Variants in CDH6 observed in about 807,000 individuals in gnomAD.
The protein encoded by CDH6 is cadherin-6.
A neutral mutation model predicts 78.0 loss-of-function variants in CDH6; 31 were observed. That is an observed-to-expected ratio of 0.40 (90% confidence interval 0.30 to 0.54). The LOEUF is 0.54. Among genes scored for constraint, CDH6 ranks in the 20% least tolerant of loss-of-function variants. The probability of loss-of-function intolerance (pLI) is 0.56; values close to 1 mark genes in which losing one functional copy is unlikely to be tolerated. For synonymous variants in CDH6, 376 were observed against 368.8 expected (o/e 1.02, Z -0.23); for missense variants, 724 against 975.9 (o/e 0.74, Z 3.44).
intron 6 of CDH6, among the ~76,000 whole-genome samples, chr5:31,302,973 AAAG>A (rs1226116344): frequency 4.7e-5 from 7 of 148,150 alleles, no homozygotes; most frequent in African/African-American, 1.5e-4. Flanking sequence ...GAAAAGAAAG[AAAG>A]AAAGAAAGAA....
intron 8 of CDH6, among the ~76,000 whole-genome samples, chr5:31,314,456 C>T (rs909848148): frequency 6.6e-5 from 10 of 151,218 alleles, no homozygotes; most frequent in African/African-American, 2.2e-4. Context: ...TAGTCCATAT[C>T]GAATAGTTTA....
chr5:31,304,773 C>T (rs979887590), intron 6 of CDH6, among the ~76,000 whole-genome samples: 2 of 151,902 alleles, frequency 1.3e-5, no homozygotes, highest in African/African-American at 2.4e-5. Flanking sequence ...CTGATGGCCC[C>T]CTCTAGTGAA....
At chr5:31,289,396 T>C (rs933910921) in intron 2 of CDH6, among the ~76,000 whole-genome samples, 2 of 152,202 alleles carry the variant, frequency 1.3e-5, no homozygotes, top group African/African-American at 4.8e-5. Context: ...GTTGGTTCCA[T>C]GCCTTTGCTG....
chr5:31,251,877 T>C (rs1364734353), intron 1 of CDH6: 2 of 152,250 alleles, frequency 1.3e-5, no homozygotes, highest in African/African-American at 4.8e-5. Context: ...AGATTATTTT[T>C]ATGTTCATAT....
At chr5:31,206,660 T>C (rs1740531053) in intron 1 of CDH6, among the ~76,000 whole-genome samples, 1 of 152,196 alleles carries the variant, frequency 6.6e-6, no homozygotes, top group African/African-American at 2.4e-5. Context: ...CGACTAGCAA[T>C]TTACGGAAAA....
At chr5:31,322,705 C>A (rs752311036) in intron 11 of CDH6, 113 bp from the exon 12 acceptor site, 7 of 1,264,240 alleles carry the variant, frequency 5.5e-6, no homozygotes, top group Non-Finnish European at 7.7e-6. Flanking sequence ...GTTGAGTCTG[C>A]ATTTTCTAGA....
chr5:31,318,037 GA>G lies in CDH6; in HGVS notation c.1882+114del, dbSNP rs758456162. 6.2e-5 allele frequency: 78 copies of G among 1,267,482 alleles called. No individual in the cohort carries two copies. In the South Asian group the frequency reaches 8.8e-4, roughly 14 times the overall value. 78.5% of individuals were successfully genotyped at this position (1,267,482 alleles called of 1,614,324 possible). A position where few individuals can be genotyped will look rare whatever the true frequency, so the allele number is the denominator to read the frequency against. On this transcript the variant is annotated intron_variant, in intron 11 of 11. Coordinates refer to ENST00000265071, the MANE Select transcript of CDH6 (RefSeq NM_004932.4). The stretch of plus-strand genomic sequence containing the variant: ...TTAAGGCATACAGCCTGATCTAGGT[GA>G]GTCGAGTTACATACTGAGAATCTGT...
chr5:31,271,479 C>T (rs1156994509), intron 2 of CDH6, among the ~76,000 whole-genome samples: 1 of 152,090 alleles, frequency 6.6e-6, no homozygotes, highest in Non-Finnish European at 1.5e-5. Flanking sequence ...ACGGACAAGA[C>T]AAGGTGGGGA....
At chr5:31,308,362 C>A (rs886079987) in intron 7 of CDH6, among the ~76,000 whole-genome samples, 6 of 150,664 alleles carry the variant, frequency 4.0e-5, no homozygotes, top group Non-Finnish European at 4.4e-5. Context: ...TCAGGAAGAA[C>A]CACAAATCTT....
rs901204157 is a variant in CDH6 at position 31,313,573 on chromosome 5, A to G, written c.1390+119A>G. 3.5e-5 allele frequency: 34 copies of G among 966,390 alleles called. 1 individual carries two copies. In the South Asian group the frequency reaches 6.0e-4, roughly 17 times the overall value. The allele number at this position is 966,390 out of a possible 1,614,324, so 59.9% of individuals were successfully genotyped here. Reference sequence around the variant, plus strand: ...AATCCCACTTGATATATATTGAGGGAAAAAGCCCTGGAGTGGTTTGCAGTA... The same window carrying G: ...AATCCCACTTGATATATATTGAGGGGAAAAGCCCTGGAGTGGTTTGCAGTA... On this transcript the variant is annotated intron_variant, in intron 8 of 11. Coordinates refer to ENST00000265071, the MANE Select transcript of CDH6 (RefSeq NM_004932.4).
chr5:31,293,898 A>C (rs1407813644), intron 2 of CDH6, 64 bp from the exon 3 acceptor site: 20 of 1,155,552 alleles, frequency 1.7e-5, no homozygotes, highest in Non-Finnish European at 2.3e-5. Context: ...CACCAAAAAG[A>C]CAAAAACAGT....
At position 31,266,766 on chromosome 5, in the gene CDH6, C is replaced by T. The variant is rs139029389; in HGVS notation, c.-128-580C>T. ...GCACTTTGATATGCTAATCTGCACTCCGAAAAGAAGGTGTATGGTCTTTTC... is the reference window on the plus strand; with the variant it reads ...GCACTTTGATATGCTAATCTGCACTTCGAAAAGAAGGTGTATGGTCTTTTC... On this transcript the variant is annotated intron_variant, in intron 1 of 11. Coordinates refer to ENST00000265071, the MANE Select transcript of CDH6 (RefSeq NM_004932.4). 8.3e-3 allele frequency among the ~76,000 whole-genome samples: 1,263 copies of T among 152,296 alleles called. 20 individuals carry two copies. The highest frequency in any genetic ancestry group is 0.028 in the African/African-American group (1,157 of 41,562).
chr5:31,256,578 G>T (rs1326948037), intron 1 of CDH6, among the ~76,000 whole-genome samples: 1 of 152,052 alleles, frequency 6.6e-6, no homozygotes, highest in Non-Finnish European at 1.5e-5. Context: ...GCTGTCTTTT[G>T]TTTTTGTTTT....
chr5:31,263,256 C>T (rs1316748818), intron 1 of CDH6, among the ~76,000 whole-genome samples: 4 of 132,548 alleles, frequency 3.0e-5, no homozygotes, highest in African/African-American at 1.3e-4. Flanking sequence ...TCAGGTCTCT[C>T]TTCTTTTTTT....
At chr5:31,210,078 G>GTGTGTGTGTGTGTGTGTT (rs1283480484) in intron 1 of CDH6, among the ~76,000 whole-genome samples, 1 of 129,468 alleles carries the variant, frequency 7.7e-6, no homozygotes, top group African/African-American at 3.1e-5. Context: ...TTCTTAAATT[G>GTGTGTGTGTGTGTGTGTT]TGTGTGTGTG....
chr5:31,250,367 G>C (rs1445938423), intron 1 of CDH6: 1 of 152,376 alleles, frequency 6.6e-6, no homozygotes, highest in Non-Finnish European at 1.5e-5. Flanking sequence ...TGGTTCTTGG[G>C]TTCCCCCTGG....
chr5:31,305,071 C>A (rs1579903476), intron 6 of CDH6, 103 bp from the exon 7 acceptor site: 2 of 1,111,876 alleles, frequency 1.8e-6, no homozygotes, highest in East Asian at 4.7e-5. Context: ...AATATGATCG[C>A]ATTCATTTAT....
chr5:31,201,931 C>A (rs975947844), intron 1 of CDH6, among the ~76,000 whole-genome samples: 5 of 152,002 alleles, frequency 3.3e-5, no homozygotes, highest in Admixed American at 1.3e-4. Context: ...TTAACATATC[C>A]TCAAAAAAAA....
chr5:31,272,262 A>G (rs1742550007), intron 2 of CDH6, among the ~76,000 whole-genome samples: 1 of 152,228 alleles, frequency 6.6e-6, no homozygotes, highest in Admixed American at 6.5e-5. Flanking sequence ...CAACCAGCAG[A>G]GTGAATGAGT....
Sources: allele counts gnomAD v4.1 joint callset (sites outside exome capture counted in the v4.1 genomes callset), GRCh38; gene constraint gnomAD v4.1.1; transcripts MANE v1.5; gene names NCBI Gene and HGNC (gene_info 2026-07-23, HGNC 2026-07-21).